Variants in ITPR3 observed in about 807,000 individuals in gnomAD.
The protein encoded by ITPR3 is inositol 1,4,5-trisphosphate receptor type 3.
In ITPR3, 173 loss-of-function variants were observed where a neutral mutation model predicts 293.2. That is an observed-to-expected ratio of 0.59 (90% CI 0.52 to 0.67). The LOEUF is 0.67. Among genes scored for constraint, ITPR3 ranks in the 30% least tolerant of loss-of-function variants. ITPR3 has a pLI of 0.00. For missense variants in ITPR3, 2,796 were observed against 3,592.1 expected (o/e 0.78, Z 5.66); for synonymous variants, 1,295 against 1,444.4 (o/e 0.90, Z 2.35).
Position 33,672,370 on chromosome 6 carries a change from C to G in ITPR3, c.2928+142C>G. 2.8e-6 allele frequency: 2 copies of G among 719,584 alleles called. No homozygotes were observed. Among genetic ancestry groups the G allele is most frequent in the Non-Finnish European group, 4.5e-6 (2 of 443,694 alleles). The allele number at this position is 719,584 out of a possible 1,614,324, so 44.6% of individuals were successfully genotyped here. ...CTCCATCGTGACTGGCTGTCAGGCC[C>G]AGCGGTTCCCACAGTGTGGTTCTTG... On this transcript the variant is annotated intron_variant, in intron 22 of 57. Coordinates refer to ENST00000605930, the MANE Select transcript of ITPR3 (RefSeq NM_002224.4). The surrounding 1 kb of genome is among the most constrained non-coding windows in gnomAD (Gnocchi z 5.0).
At chr6:33,668,843 C>T in intron 17 of ITPR3, 131 bp from the exon 18 acceptor site, 1 of 1,176,598 alleles carries the variant, frequency 8.5e-7, no homozygotes, top group East Asian at 2.5e-5. Context: ...ACGGACCCTG[C>T]CCTTGAGATG....
chr6:33,647,089 C>T (rs779806110), intron 2 of ITPR3, among the ~76,000 whole-genome samples: 5 of 152,006 alleles, frequency 3.3e-5, no homozygotes, highest in African/African-American at 2.4e-5. Context: ...TGCAGTGACA[C>T]CATGGTTCAC....
At position 33,670,788 on chromosome 6, in the gene ITPR3, C is replaced by G; in HGVS notation, c.2559C>G (p.Asn853Lys). ...NVVSEAVPFA[N>K]EEKNKLTFEV... Reference sequence around the variant, plus strand: ...TCAGCGAGGCCGTGCCCTTTGCCAACGAGGAGAAGAACAAGCTCACTTTTG... The same window carrying G: ...TCAGCGAGGCCGTGCCCTTTGCCAAGGAGGAGAAGAACAAGCTCACTTTTG... The change falls in exon 20 of 58, where the codon AAC (asparagine) becomes AAG (lysine). Residue 853 changes from asparagine (N) to lysine (K), a missense_variant. Physicochemically the swap from Asn to Lys is moderately conservative, Grantham distance 94. Coordinates refer to ENST00000605930, the MANE Select transcript of ITPR3 (RefSeq NM_002224.4). The surrounding 1 kb of genome is among the most constrained non-coding windows in gnomAD (Gnocchi z 6.7). 1 of 1,614,002 alleles carries G rather than the reference C, an allele frequency of 6.2e-7. No homozygotes were observed. The highest frequency in any genetic ancestry group is 8.5e-7 in the Non-Finnish European group (1 of 1,180,026).
rs1245331460 is a variant in ITPR3 at position 33,633,781 on chromosome 6, C to T, written c.90-6703C>T. ...GGGCGGGGCCGGGGCCGGGGCCGGA[C>T]GCCCGGAGCTCGCGGGCCGGGCCAG... On this transcript the variant is annotated intron_variant, in intron 1 of 57. Transcript: ENST00000605930. This position sits in a 1 kb window ranked among gnomAD's most constrained non-coding sequence, Gnocchi z 5.2. Among the ~76,000 whole-genome samples the T allele has an allele frequency of 7.5e-6, 1 of 133,828 alleles. No homozygotes were observed. Among genetic ancestry groups the T allele is most frequent in the African/African-American group, 2.6e-5 (1 of 37,902 alleles). The allele number at this position is 133,828 out of a possible 152,430, so 87.8% of individuals were successfully genotyped here.
rs749543690 is a variant in ITPR3 at position 33,621,735 on chromosome 6, G to A, written c.89+44G>A. ...AGAGGGGCGCGGGTAAAGAGGGGGCGCCGTGGGCCCTGGTGCCAGCTGCGT... is the reference window on the plus strand; with the variant it reads ...AGAGGGGCGCGGGTAAAGAGGGGGCACCGTGGGCCCTGGTGCCAGCTGCGT... On this transcript the variant is annotated intron_variant, in intron 1 of 57. Coordinates refer to ENST00000605930, the MANE Select transcript of ITPR3 (RefSeq NM_002224.4). This position sits in a 1 kb window ranked among gnomAD's most constrained non-coding sequence, Gnocchi z 7.7. 3 of 1,457,862 alleles carry A rather than the reference G, an allele frequency of 2.1e-6. No individual in the cohort carries two copies. The highest frequency in any genetic ancestry group is 2.8e-6 in the Non-Finnish European group (3 of 1,058,684). The allele number at this position is 1,457,862 out of a possible 1,614,324, so 90.3% of individuals were successfully genotyped here. A position where few individuals can be genotyped will look rare whatever the true frequency, so the allele number is the denominator to read the frequency against.
chr6:33,685,560 C>T (rs367931443), intron 40 of ITPR3, 27 bp downstream of exon 40: 23 of 1,604,040 alleles, frequency 1.4e-5, no homozygotes, highest in African/African-American at 1.1e-4. Flanking sequence ...AGAGGCACGG[C>T]GTGACGGGGA....
At position 33,671,902 on chromosome 6, in the gene ITPR3, A is replaced by G. The variant is rs900877297; in HGVS notation, c.2729-127A>G. On this transcript the variant is annotated intron_variant, in intron 21 of 57. Transcript: ENST00000605930. ...CCTGGGTTAGCCCTGTCCCTTCCTT[A>G]GCAAGGCTTTGCCCTGCAGCTGACA... 3.4e-5 allele frequency: 31 copies of G among 923,356 alleles called. No individual in the cohort carries two copies. The Middle Eastern group carries it at 2.1e-3, about 63-fold the overall frequency. The allele number at this position is 923,356 out of a possible 1,614,324, so 57.2% of individuals were successfully genotyped here.
Position 33,673,697 on chromosome 6 carries a change from C to T in ITPR3, c.3035C>T (p.Thr1012Ile), listed in dbSNP as rs1227210851. The T allele has an allele frequency of 4.3e-6, 7 of 1,614,080 alleles. No individual in the cohort carries two copies. The Admixed American group carries it at 1.0e-4, about 23-fold the overall frequency. ...FPMQDSGADG[T>I]APAFDSTTAN... Reference sequence around the variant, plus strand: ...ATGCAGGACAGTGGGGCTGATGGCACAGCCCCTGCCTTCGACTCTACCAGT... The same window carrying T: ...ATGCAGGACAGTGGGGCTGATGGCATAGCCCCTGCCTTCGACTCTACCAGT... Residue 1012 changes from threonine (T) to isoleucine (I), a missense_variant, in exon 23 of 58, where the codon ACA (threonine) becomes ATA (isoleucine). Thr to Ile is a moderately conservative substitution (Grantham distance 89). This residue lies in a region of ITPR3 where 955 missense variants were observed against 1,180.8 expected (regional missense o/e 0.81). Transcript: ENST00000605930.
intron 55 of ITPR3, among the ~76,000 whole-genome samples, chr6:33,693,164 C>G (rs1445753763): frequency 6.6e-6 from 1 of 152,208 alleles, no homozygotes; most frequent in Non-Finnish European, 1.5e-5. Flanking sequence ...TGGTCTCAGT[C>G]CAGTGCTTTT....
Position 33,667,395 on chromosome 6 carries a change from G to A in ITPR3, c.1713+105G>A. On this transcript the variant is annotated intron_variant, in intron 15 of 57. Transcript: ENST00000605930. The surrounding 1 kb of genome is among the most constrained non-coding windows in gnomAD (Gnocchi z 4.4). Reference sequence around the variant, plus strand: ...TGCCAGGCACTGTTTTGGGGCCTAGGGTCCAGTAGGGCACCAGACAGCAGG... The same window carrying A: ...TGCCAGGCACTGTTTTGGGGCCTAGAGTCCAGTAGGGCACCAGACAGCAGG... 7.2e-7 allele frequency: 1 copy of A among 1,398,438 alleles called. No homozygotes were observed. Among genetic ancestry groups the A allele is most frequent in the Non-Finnish European group, 9.6e-7 (1 of 1,045,510 alleles). The allele number at this position is 1,398,438 out of a possible 1,614,324, so 86.6% of individuals were successfully genotyped here.
At chr6:33,623,322 T>G (rs1406736972) in intron 1 of ITPR3, among the ~76,000 whole-genome samples, 79 of 7,390 alleles carry the variant, frequency 0.011, no homozygotes, top group African/African-American at 0.023. Flanking sequence ...TGCCTGTGAG[T>G]TTTGTTTTTT....
At chr6:33,695,173 TC>T in intron 57 of ITPR3, 88 bp downstream of exon 57, 1 of 1,426,032 alleles carries the variant, frequency 7.0e-7, no homozygotes. Context: ...CCCACCCTCT[TC>T]CCCACTGGCC....
chr6:33,693,753 T>G, intron 56 of ITPR3, 48 bp downstream of exon 56: 1 of 1,601,866 alleles, frequency 6.2e-7, no homozygotes, highest in Non-Finnish European at 8.5e-7. Flanking sequence ...CCAGCCATTC[T>G]AGAGTCATCA....
chr6:33,645,760 A>C (rs1243422954), intron 2 of ITPR3, among the ~76,000 whole-genome samples: 2 of 152,068 alleles, frequency 1.3e-5, no homozygotes, highest in African/African-American at 4.8e-5. Context: ...CTGTGGTTTT[A>C]ATTTACATTT....
intron 48 of ITPR3, 88 bp from the exon 49 acceptor site, chr6:33,688,568 G>A (rs1004834505): frequency 3.2e-6 from 5 of 1,570,460 alleles, no homozygotes; most frequent in Non-Finnish European, 4.3e-6. Flanking sequence ...TTCCATGTGT[G>A]GCTTCCTCCT....
intron 39 of ITPR3, 122 bp downstream of exon 39, chr6:33,685,065 G>A: frequency 8.5e-7 from 1 of 1,171,926 alleles, no homozygotes; most frequent in Non-Finnish European, 1.2e-6. Context: ...CCTGAGCAGT[G>A]GCTGAGAGGT....
intron 1 of ITPR3, among the ~76,000 whole-genome samples, chr6:33,622,135 G>A (rs996300538): frequency 2.8e-4 from 43 of 152,118 alleles, no homozygotes; most frequent in Non-Finnish European, 1.5e-5. Flanking sequence ...CGATCCCGTG[G>A]TGCCTTTGAG....
Position 33,687,597 on chromosome 6 carries a change from G to A in ITPR3, c.6264+33G>A. The A allele has an allele frequency of 6.5e-7, 1 of 1,541,620 alleles. No homozygotes were observed. The highest frequency in any genetic ancestry group is 8.9e-7 in the Non-Finnish European group (1 of 1,122,432). ...CTGGCCCCGAGACTGGGGTGGGGGT[G>A]GGGCCTGGAACCCAGGGAGGACACT... is the stretch of plus-strand genomic sequence containing the variant. On this transcript the variant is annotated intron_variant, in intron 46 of 57. Coordinates refer to ENST00000605930, the MANE Select transcript of ITPR3 (RefSeq NM_002224.4). This position sits in a 1 kb window ranked among gnomAD's most constrained non-coding sequence, Gnocchi z 5.3.
rs1423518313 is a variant in ITPR3 at position 33,670,899 on chromosome 6, G to T, written c.2586+84G>T. On this transcript the variant is annotated intron_variant, in intron 20 of 57. Coordinates refer to ENST00000605930, the MANE Select transcript of ITPR3 (RefSeq NM_002224.4). The surrounding 1 kb of genome is among the most constrained non-coding windows in gnomAD (Gnocchi z 6.7). ...GGCCTCGGTCTTCACCCAGGAGTCG[G>T]CTGTGGGATCCATGACCCCACTTCC... is the stretch of plus-strand genomic sequence containing the variant. 7 of 1,524,818 alleles carry T rather than the reference G, an allele frequency of 4.6e-6. No individual in the cohort carries two copies. Among genetic ancestry groups the T allele is most frequent in the Non-Finnish European group, 5.3e-6 (6 of 1,127,126 alleles). 94.5% of individuals were successfully genotyped at this position (1,524,818 alleles called of 1,614,324 possible).
Sources: gnomAD v4.1 joint callset for allele counts (sites outside exome capture counted in the v4.1 genomes callset) on GRCh38, gnomAD v4.1.1 for gene constraint, gnomAD v4.1.1 regional missense constraint, Gnocchi (gnomAD v3.1) non-coding constraint, MANE v1.5 for transcripts, NCBI Gene and HGNC (gene_info 2026-07-23, HGNC 2026-07-21) for gene names.